KSR2: variants seen among roughly 807,000 people sequenced by gnomAD.
KSR2 encodes the protein kinase suppressor of ras 2.
In KSR2, 25 loss-of-function variants were observed where a neutral mutation model predicts 107.8. The ratio of observed to expected loss-of-function variants is 0.23; its 90% CI spans 0.17 to 0.32. The LOEUF is 0.32. Ranked by LOEUF, KSR2 falls within the 10% of genes least tolerant of loss-of-function variation. The probability of loss-of-function intolerance (pLI) is 1.00; values close to 1 mark genes in which losing one functional copy is unlikely to be tolerated. For synonymous variants in KSR2, 480 were observed against 507.0 expected (o/e 0.95, Z 0.71); for missense variants, 887 against 1,268.9 (o/e 0.70, Z 4.57).
chr12:117,827,612 T>C (rs1417775720), intron 3 of KSR2, among the ~76,000 whole-genome samples: 1 of 152,244 alleles, frequency 6.6e-6, no homozygotes, highest in Admixed American at 6.5e-5. Flanking sequence ...TGGTTTCAAA[T>C]AGTTGATCAA....
chr12:117,582,927 G>A (rs1879755928), intron 5 of KSR2, among the ~76,000 whole-genome samples: 1 of 152,104 alleles, frequency 6.6e-6, no homozygotes, highest in Non-Finnish European at 1.5e-5. Flanking sequence ...CTGTACAACT[G>A]CCAAGTTATT....
In KSR2 at chr12:117,465,944, T is replaced by C. The variant is rs1281526041; in HGVS notation, c.*1255A>G. 6.6e-6 allele frequency: 1 copy of C among 152,054 alleles called. No individual in the cohort carries two copies. The allele number at this position is 152,054 out of a possible 1,614,324, so 9.4% of individuals were successfully genotyped here. A position where few individuals can be genotyped will look rare whatever the true frequency, so the allele number is the denominator to read the frequency against. The stretch of plus-strand genomic sequence containing the variant: ...CAGAACACCAGGGGCTTCCCCAACA[T>C]GGTCAGGAAGAGTCGCCGGCCCAGG... On this transcript the variant is annotated 3_prime_UTR_variant, in exon 20 of 20. Transcript: ENST00000339824.
intron 3 of KSR2, among the ~76,000 whole-genome samples, chr12:117,797,726 C>T (rs1006796683): frequency 8.4e-6 from 1 of 119,518 alleles, no homozygotes; most frequent in African/African-American, 2.7e-5. Flanking sequence ...TGGACTCAAA[C>T]CATCCTGGGC....
At chr12:117,931,305 T>C (rs1434696331) in intron 1 of KSR2, among the ~76,000 whole-genome samples, 1 of 152,158 alleles carries the variant, frequency 6.6e-6, no homozygotes, top group African/African-American at 2.4e-5. Context: ...ACCTGGGAAT[T>C]CATTTTTAAC....
intron 3 of KSR2, among the ~76,000 whole-genome samples, chr12:117,806,991 C>T (rs1470707536): frequency 1.3e-5 from 2 of 152,278 alleles, no homozygotes; most frequent in South Asian, 2.1e-4. Context: ...GGATCCATTA[C>T]GGAGGGACAA....
chr12:117,772,783 C>T (rs1889552555), intron 3 of KSR2, among the ~76,000 whole-genome samples: 1 of 152,150 alleles, frequency 6.6e-6, no homozygotes, highest in South Asian at 2.1e-4. Flanking sequence ...ACCAAAGACG[C>T]ACAAGCACAC....
At chr12:117,709,837 C>A (rs1298871565) in intron 4 of KSR2, among the ~76,000 whole-genome samples, 2 of 152,214 alleles carry the variant, frequency 1.3e-5, no homozygotes, top group Non-Finnish European at 2.9e-5. Flanking sequence ...AGCACCCCCA[C>A]CCCAAGTGAC....
chr12:117,570,748 T>C (rs1049433158), intron 7 of KSR2, among the ~76,000 whole-genome samples: 1 of 152,192 alleles, frequency 6.6e-6, no homozygotes, highest in African/African-American at 2.4e-5. Flanking sequence ...TCTCATCACA[T>C]GGAATGAATG....
intron 4 of KSR2, among the ~76,000 whole-genome samples, chr12:117,754,939 A>G (rs1888736707): frequency 6.6e-6 from 1 of 152,250 alleles, no homozygotes; most frequent in African/African-American, 2.4e-5. Flanking sequence ...GACTGTTGAA[A>G]CTCAGATTCA....
At chr12:117,532,130 G>A (rs567318289) in intron 10 of KSR2, among the ~76,000 whole-genome samples, 303 of 152,238 alleles carry the variant, frequency 2.0e-3, no homozygotes, top group African/African-American at 3.0e-3. Flanking sequence ...TTTCTGCAAC[G>A]AGCATCGTAT....
chr12:117,655,859 G>A (rs975067889), intron 5 of KSR2, among the ~76,000 whole-genome samples: 1 of 152,202 alleles, frequency 6.6e-6, no homozygotes, highest in African/African-American at 2.4e-5. Flanking sequence ...ATGGAATACA[G>A]GAGATCCATT....
intron 4 of KSR2, among the ~76,000 whole-genome samples, chr12:117,683,841 C>A (rs544629304): frequency 6.6e-6 from 1 of 152,344 alleles, no homozygotes; most frequent in East Asian, 1.9e-4. Flanking sequence ...GAAATACCTT[C>A]GGCTTTGCAA....
intron 12 of KSR2, among the ~76,000 whole-genome samples, chr12:117,530,082 T>C (rs1875506883): frequency 6.6e-6 from 1 of 152,130 alleles, no homozygotes; most frequent in Non-Finnish European, 1.5e-5. Context: ...ATAATATTCA[T>C]AAAATGTGAT....
chr12:117,917,916 T>C (rs908878428), intron 1 of KSR2, among the ~76,000 whole-genome samples: 3 of 152,208 alleles, frequency 2.0e-5, no homozygotes, highest in African/African-American at 7.2e-5. Context: ...CCTGAATAAC[T>C]GGCTTCTCTT....
At chr12:117,494,286 C>T (rs929964370) in intron 14 of KSR2, among the ~76,000 whole-genome samples, 2 of 145,928 alleles carry the variant, frequency 1.4e-5, no homozygotes, top group African/African-American at 5.6e-5. Context: ...TGGTCTACTT[C>T]CTGCATTTAC....
intron 3 of KSR2, among the ~76,000 whole-genome samples, chr12:117,797,746 C>A (rs1034781173): frequency 5.8e-5 from 7 of 119,824 alleles, no homozygotes; most frequent in African/African-American, 1.9e-4. Context: ...CTCAAACCAT[C>A]CTGGGCTCAA....
chr12:117,892,256 A>G lies in KSR2; in HGVS notation c.181-31825T>C, dbSNP rs374013861. Among the ~76,000 whole-genome samples the G allele has an allele frequency of 3.3e-5, 5 of 152,260 alleles. No individual in the cohort carries two copies. The East Asian group carries it at 9.6e-4, about 29-fold the overall frequency. ...GAGGCAGAGGTTGCAGTGAGCTGAG[A>G]TCGCGCCACTGCACTCCAGTCTGGG... On this transcript the variant is annotated intron_variant, in intron 1 of 19. Transcript: ENST00000339824.
intron 3 of KSR2, among the ~76,000 whole-genome samples, chr12:117,854,982 A>G (rs567532293): frequency 6.6e-6 from 1 of 152,302 alleles, no homozygotes; most frequent in South Asian, 2.1e-4. Context: ...GCAGTTACCT[A>G]GAGGGTGGAG....
At chr12:117,620,796 C>T (rs1882153826) in intron 5 of KSR2, among the ~76,000 whole-genome samples, 1 of 152,116 alleles carries the variant, frequency 6.6e-6, no homozygotes, top group African/African-American at 2.4e-5. Context: ...TTACGCCATT[C>T]CTAGTTATCA....
Sources: allele counts gnomAD v4.1 joint callset (sites outside exome capture counted in the v4.1 genomes callset), GRCh38; gene constraint gnomAD v4.1.1; transcripts MANE v1.5; gene names NCBI Gene and HGNC (gene_info 2026-07-23, HGNC 2026-07-21).